TNIK: variants seen among roughly 807,000 people sequenced by gnomAD.
TNIK encodes the protein TRAF2 and NCK interacting kinase, also known as TRAF2 and NCK-interacting protein kinase.
TNIK carries 49 observed loss-of-function variants against 191.3 expected under a neutral mutation model. The ratio of observed to expected loss-of-function variants is 0.26; its 90% CI spans 0.20 to 0.32. TNIK has a LOEUF of 0.32. Ranked by LOEUF, TNIK falls within the 10% of genes least tolerant of loss-of-function variation. The probability of loss-of-function intolerance (pLI) is 1.00; values close to 1 mark genes in which losing one functional copy is unlikely to be tolerated. For synonymous variants in TNIK, 594 were observed against 600.9 expected (o/e 0.99, Z 0.17); for missense variants, 1,155 against 1,702.3 (o/e 0.68, Z 5.66).
At chr3:171,438,202 A>G (rs1015378814) in intron 1 of TNIK, among the ~76,000 whole-genome samples, 15 of 152,122 alleles carry the variant, frequency 9.9e-5, no homozygotes, top group Non-Finnish European at 2.2e-4. Context: ...AGGCCATTTC[A>G]CCATCTCAGG....
intron 2 of TNIK, among the ~76,000 whole-genome samples, chr3:171,254,230 C>T (rs1017479443): frequency 2.6e-5 from 4 of 152,114 alleles, no homozygotes; most frequent in African/African-American, 7.2e-5. Context: ...AGACATTTTA[C>T]AGAATAAAAC....
chr3:171,350,075 AG>A (rs202186720), intron 2 of TNIK, among the ~76,000 whole-genome samples: 43,361 of 151,982 alleles, frequency 0.29, 6,384 homozygotes, highest in South Asian at 0.45. Context: ...ACAACATTAT[AG>A]CAAATGTTTT....
intron 10 of TNIK, among the ~76,000 whole-genome samples, chr3:171,163,364 A>G (rs149359041): frequency 1.9e-3 from 284 of 152,294 alleles, no homozygotes; most frequent in African/African-American, 6.6e-3. Context: ...AGAAACTGAA[A>G]CTGCAATTTA....
intron 18 of TNIK, among the ~76,000 whole-genome samples, chr3:171,120,851 C>T (rs1430620548): frequency 6.6e-6 from 1 of 152,056 alleles, no homozygotes; most frequent in East Asian, 1.9e-4. Flanking sequence ...GAAAGTGAGG[C>T]AAGAAATATA....
intron 10 of TNIK, among the ~76,000 whole-genome samples, chr3:171,164,246 A>G (rs1342031092): frequency 6.6e-6 from 1 of 152,248 alleles, no homozygotes; most frequent in African/African-American, 2.4e-5. Flanking sequence ...GTTCTGAGTC[A>G]CATTCCAGAG....
chr3:171,201,954 A>G (rs921616424), intron 4 of TNIK, among the ~76,000 whole-genome samples: 3 of 152,164 alleles, frequency 2.0e-5, no homozygotes, highest in Non-Finnish European at 4.4e-5. Context: ...AAGCTTCTGG[A>G]TAGTGAACAA....
intron 26 of TNIK, 118 bp downstream of exon 26, chr3:171,084,037 T>A (rs1721024814): frequency 7.6e-7 from 1 of 1,323,524 alleles, no homozygotes; most frequent in Non-Finnish European, 9.9e-7. Flanking sequence ...AGGTCTCTAA[T>A]ACCCAGGATT....
intron 14 of TNIK, 126 bp downstream of exon 14, chr3:171,139,344 T>C (rs6807462): frequency 0.017 from 14,213 of 825,440 alleles, 183 homozygotes; most frequent in Non-Finnish European, 0.024. Flanking sequence ...TCCCCTCTTC[T>C]GGACTGGTAT....
chr3:171,272,434 G>T (rs16856093), intron 2 of TNIK, among the ~76,000 whole-genome samples: 1 of 152,004 alleles, frequency 6.6e-6, no homozygotes, highest in Non-Finnish European at 1.5e-5. Flanking sequence ...AGATGGCACC[G>T]TACACATCGA....
intron 1 of TNIK, among the ~76,000 whole-genome samples, chr3:171,429,355 G>A (rs558959361): frequency 3.9e-5 from 6 of 152,170 alleles, no homozygotes; most frequent in Non-Finnish European, 8.8e-5. Context: ...TTGTGCCCAT[G>A]TCACTCATCT....
In TNIK at chr3:171,258,411, G is replaced by A. The variant is rs36100951; in HGVS notation, c.124-30190C>T. On this transcript the variant is annotated intron_variant, in intron 2 of 32. Coordinates refer to ENST00000436636, the MANE Select transcript of TNIK (RefSeq NM_015028.4). The stretch of plus-strand genomic sequence containing the variant: ...TCAGAGAGAAAATGCAAGTAATAAA[G>A]GCCTAGGAGATGGGAGGATGACTCA... Among the ~76,000 whole-genome samples the A allele has an allele frequency of 8.5e-5, 13 of 152,086 alleles. 1 individual carries two copies. Among genetic ancestry groups the A allele is most frequent in the Non-Finnish European group, 1.5e-5 (1 of 68,024 alleles).
In TNIK at chr3:171,082,398, T is replaced by C. The variant is rs1194023176; in HGVS notation, c.3170-4A>G. ...GTCCCCACCAGAAGGTTTACACCTG[T>C]AAATTTAAGAAGCACCCTAAGACTG... On this transcript the variant is annotated splice_region_variant and splice_polypyrimidine_tract_variant and intron_variant, in intron 26 of 32. Coordinates refer to ENST00000436636, the MANE Select transcript of TNIK (RefSeq NM_015028.4). 6.2e-7 allele frequency: 1 copy of C among 1,613,440 alleles called. No individual in the cohort carries two copies. Among genetic ancestry groups the C allele is most frequent in the Non-Finnish European group, 8.5e-7 (1 of 1,179,674 alleles).
rs1158629145 is a variant in TNIK at position 171,366,640 on chromosome 3, T to C, written c.123+2980A>G. ...TAAAATAAGGGCTATGTCCATATAC[T>C]TATTCATAAAATTATACCTGACTTT... is the stretch of plus-strand genomic sequence containing the variant. On this transcript the variant is annotated intron_variant, in intron 2 of 32. Transcript: ENST00000436636. The surrounding 1 kb of genome is among the most constrained non-coding windows in gnomAD (Gnocchi z 4.1). 6.6e-6 allele frequency among the ~76,000 whole-genome samples: 1 copy of C among 152,174 alleles called. No homozygotes were observed. Among genetic ancestry groups the C allele is most frequent in the Non-Finnish European group, 1.5e-5 (1 of 68,038 alleles).
intron 2 of TNIK, among the ~76,000 whole-genome samples, chr3:171,254,197 T>C (rs1746578353): frequency 6.6e-6 from 1 of 152,218 alleles, no homozygotes; most frequent in African/African-American, 2.4e-5. Context: ...ATATTGATCT[T>C]AATGTAGCGT....
At chr3:171,404,325 A>C (rs1721386611) in intron 1 of TNIK, among the ~76,000 whole-genome samples, 1 of 152,018 alleles carries the variant, frequency 6.6e-6, no homozygotes, top group Non-Finnish European at 1.5e-5. Flanking sequence ...CCAGAAGCTC[A>C]TACTCCCAAC....
At chr3:171,439,631 A>G (rs1401217569) in intron 1 of TNIK, 1 of 152,210 alleles carries the variant, frequency 6.6e-6, no homozygotes, top group African/African-American at 2.4e-5. Flanking sequence ...GCCTAAATGC[A>G]TGTGTATTAC....
At chr3:171,312,238 A>G (rs1754117907) in intron 2 of TNIK, among the ~76,000 whole-genome samples, 2 of 151,690 alleles carry the variant, frequency 1.3e-5, no homozygotes, top group South Asian at 4.2e-4. Flanking sequence ...ACATCAAAAG[A>G]TTAATAAAAG....
chr3:171,273,406 T>G (rs964875593), intron 2 of TNIK, among the ~76,000 whole-genome samples: 3 of 152,176 alleles, frequency 2.0e-5, no homozygotes, highest in Non-Finnish European at 4.4e-5. Context: ...AAGTGGACAG[T>G]ATCTTTCTGC....
intron 2 of TNIK, among the ~76,000 whole-genome samples, chr3:171,306,068 G>A (rs375432985): frequency 1.7e-4 from 26 of 152,228 alleles, no homozygotes; most frequent in Non-Finnish European, 2.1e-4. Context: ...TGGCAGGAAC[G>A]TGGATGGAAC....
Sources: allele counts gnomAD v4.1 joint callset (sites outside exome capture counted in the v4.1 genomes callset), GRCh38; gene constraint gnomAD v4.1.1; non-coding constraint Gnocchi (gnomAD v3.1); transcripts MANE v1.5; gene names NCBI Gene and HGNC (gene_info 2026-07-23, HGNC 2026-07-21).